The following SPATA7 variants were observed in gnomAD, a reference collection of about 807,000 sequenced individuals.
SPATA7 encodes the protein spermatogenesis associated 7, also known as spermatogenesis-associated protein 7.
Under a neutral mutation model 51.8 loss-of-function variants are expected in SPATA7, and 43 were observed. The observed-to-expected ratio is 0.83, with a 90% CI of 0.65 to 1.07. SPATA7 has a LOEUF of 1.07. Among genes scored for constraint, SPATA7 ranks in the 50% least tolerant of loss-of-function variants. The probability of loss-of-function intolerance (pLI) is 0.00; values close to 1 mark genes in which losing one functional copy is unlikely to be tolerated. For synonymous variants in SPATA7, 230 were observed against 252.8 expected, an observed-to-expected ratio of 0.91 and a Z score of 0.86; for missense variants, 683 against 701.3, an observed-to-expected ratio of 0.97 and a Z score of 0.30.
At chr14:88,427,348 A>C (rs986429162) in intron 6 of SPATA7, among the ~76,000 whole-genome samples, 1 of 152,246 alleles carries the variant, frequency 6.6e-6, no homozygotes, top group Non-Finnish European at 1.5e-5. Flanking sequence ...TTGTTTTTCT[A>C]GTATTACATA....
At chr14:88,395,623 T>A (rs1234411227) in intron 3 of SPATA7, among the ~76,000 whole-genome samples, 1 of 151,144 alleles carries the variant, frequency 6.6e-6, no homozygotes, top group Non-Finnish European at 1.5e-5. Context: ...TTTGTTTGTT[T>A]TGTTTTTTTG....
chr14:88,427,472 T>C (rs2076827799), intron 6 of SPATA7, among the ~76,000 whole-genome samples, 158 bp from the exon 7 acceptor site: 1 of 152,176 alleles, frequency 6.6e-6, no homozygotes. Flanking sequence ...AGTCTGCAGA[T>C]ATTTAATCAA....
intron 4 of SPATA7, among the ~76,000 whole-genome samples, chr14:88,399,665 G>T (rs532773673): frequency 6.6e-6 from 1 of 152,162 alleles, no homozygotes; most frequent in African/African-American, 2.4e-5. Context: ...TTAAATATCT[G>T]GATCATTTGA....
At chr14:88,447,823 T>C (rs1221786587) in intron 3 of SPATA7, among the ~76,000 whole-genome samples, 2 of 152,188 alleles carry the variant, frequency 1.3e-5, no homozygotes, top group Non-Finnish European at 2.9e-5. Context: ...CCCACTCTCT[T>C]CTGGCTTGTA....
chr14:88,462,504 T>TCA (rs1566798949), intron 4 of SPATA7, among the ~76,000 whole-genome samples: 3 of 152,230 alleles, frequency 2.0e-5, no homozygotes, highest in Non-Finnish European at 4.4e-5. Context: ...AGTGTGAATT[T>TCA]AAGTTACACA....
chr14:88,409,319 A>G (rs75636236), intron 4 of SPATA7, among the ~76,000 whole-genome samples: 5,352 of 152,142 alleles, frequency 0.035, 302 homozygotes, highest in African/African-American at 0.12. Flanking sequence ...GTTTAGTCTC[A>G]GGAGGATGTA....
intron 3 of SPATA7, among the ~76,000 whole-genome samples, chr14:88,448,852 C>G (rs960961624): frequency 2.0e-5 from 3 of 152,126 alleles, no homozygotes; most frequent in Non-Finnish European, 4.4e-5. Flanking sequence ...TCTCAGATCT[C>G]CAGCTGCGTG....
At chr14:88,454,787 G>A (rs929561079) in intron 3 of SPATA7, among the ~76,000 whole-genome samples, 1 of 151,976 alleles carries the variant, frequency 6.6e-6, no homozygotes. Flanking sequence ...CACCCTGGGT[G>A]ACAGAGCAAG....
At chr14:88,393,992 C>A (rs2075813904) in intron 3 of SPATA7, among the ~76,000 whole-genome samples, 1 of 152,108 alleles carries the variant, frequency 6.6e-6, no homozygotes, top group Non-Finnish European at 1.5e-5. Context: ...CCGTTCAGGC[C>A]AAACCCTCCT....
intron 9 of SPATA7, 144 bp from the exon 10 acceptor site, chr14:88,432,991 T>C: frequency 1.6e-6 from 1 of 643,212 alleles, no homozygotes; most frequent in Non-Finnish European, 2.7e-6. Flanking sequence ...ATGTTTGTTT[T>C]GTAATATTCC....
chr14:88,439,176 G>A (rs1040751823), downstream of SPATA7, among the ~76,000 whole-genome samples: 1 of 152,182 alleles, frequency 6.6e-6, no homozygotes, highest in African/African-American at 2.4e-5. Context: ...TGTGAGTCTT[G>A]AAGCGTTGGA....
intron 10 of SPATA7, among the ~76,000 whole-genome samples, chr14:88,437,329 A>T (rs1426654062): frequency 1.3e-5 from 2 of 152,076 alleles, no homozygotes; most frequent in Non-Finnish European, 2.9e-5. Flanking sequence ...CAAAGAAATA[A>T]AAGTAGCATA....
At chr14:88,397,906 AC>A (rs1408613210) in intron 4 of SPATA7, among the ~76,000 whole-genome samples, 3 of 151,900 alleles carry the variant, frequency 2.0e-5, no homozygotes, top group Non-Finnish European at 2.9e-5. Context: ...ACAGGGTGAA[AC>A]CCCGTCTCTA....
At chr14:88,460,514 T>A (rs1369737561) in intron 4 of SPATA7, among the ~76,000 whole-genome samples, 1 of 152,262 alleles carries the variant, frequency 6.6e-6, no homozygotes, top group Non-Finnish European at 1.5e-5. Flanking sequence ...CTACTGAAGC[T>A]TGTGCATTCA....
intron 11 of SPATA7, 88 bp from the exon 12 acceptor site, chr14:88,437,750 G>A: frequency 7.1e-7 from 1 of 1,400,792 alleles, no homozygotes; most frequent in Non-Finnish European, 9.7e-7. Flanking sequence ...GAAAGGAAAA[G>A]TATTAATCCT....
downstream of SPATA7, among the ~76,000 whole-genome samples, chr14:88,457,289 G>T (rs2077290219): frequency 1.3e-5 from 2 of 152,094 alleles, no homozygotes; most frequent in Non-Finnish European, 1.5e-5. Flanking sequence ...GATGAGGGTG[G>T]CATTGAATCT....
In SPATA7 at chr14:88,391,362, T is replaced by G. The variant is rs75595762; in HGVS notation, c.20-19T>G. 135,990 of 1,601,378 alleles carry G rather than the reference T, an allele frequency of 0.085. 6,698 individuals carry two copies. The highest frequency in any genetic ancestry group is 0.098 in the Non-Finnish European group (115,042 of 1,170,666). On this transcript the variant is annotated intron_variant, in intron 1 of 11. Transcript: ENST00000393545. ...TGTTTCATTTATCCTAATTTATGAT[T>G]TTTTTTTCTTGTTAAAAGTCAGAGC... is the stretch of plus-strand genomic sequence containing the variant.
chr14:88,460,741 G>A (rs551705916), intron 4 of SPATA7, among the ~76,000 whole-genome samples: 82 of 152,254 alleles, frequency 5.4e-4, no homozygotes, highest in South Asian at 8.3e-4. Context: ...GCTTTGTTCC[G>A]TTGCTGGTAA....
At chr14:88,437,025 A>G (rs2077107868) in intron 10 of SPATA7, among the ~76,000 whole-genome samples, 1 of 147,808 alleles carries the variant, frequency 6.8e-6, no homozygotes, top group Non-Finnish European at 1.5e-5. Context: ...TGGTGTGGAC[A>G]TTTTAACAAT....
Sources: gnomAD v4.1 joint callset for allele counts (sites outside exome capture counted in the v4.1 genomes callset) on GRCh38, gnomAD v4.1.1 for gene constraint, MANE v1.5 for transcripts, NCBI Gene and HGNC (gene_info 2026-07-23, HGNC 2026-07-21) for gene names.